NR4A1: variants seen among roughly 807,000 people sequenced by gnomAD.
The protein encoded by NR4A1 is nuclear receptor subfamily 4 group A member 1, also known as nuclear receptor subfamily 4immunitygroup A member 1.
NR4A1 carries 24 observed loss-of-function variants against 47.5 expected under a neutral mutation model. That is an observed-to-expected ratio of 0.50 (90% CI 0.37 to 0.71). The LOEUF is 0.71. Ranked by LOEUF, NR4A1 falls within the 30% of genes least tolerant of loss-of-function variation. The pLI, the probability that NR4A1 is intolerant of heterozygous loss-of-function variation, is 0.00. For missense variants in NR4A1, 669 were observed against 788.6 expected (o/e 0.85, Z 1.82); for synonymous variants, 353 against 345.7 (o/e 1.02, Z -0.24).
At chr12:52,041,962 C>G in intron 2 of NR4A1, 1 of 1,307,110 alleles carries the variant, frequency 7.7e-7, no homozygotes, top group Non-Finnish European at 9.8e-7. Flanking sequence ...TTGTACACCC[C>G]TCCAGCAGGT....
At chr12:52,033,124 G>A (rs1828419287) in intron 1 of NR4A1, among the ~76,000 whole-genome samples, 1 of 152,230 alleles carries the variant, frequency 6.6e-6, no homozygotes, top group Admixed American at 6.5e-5. Flanking sequence ...GGCTGGACCT[G>A]CTGCGGCTCC....
intron 1 of NR4A1, among the ~76,000 whole-genome samples, chr12:52,052,164 C>T (rs1412852440): frequency 6.6e-6 from 1 of 151,818 alleles, no homozygotes; most frequent in Non-Finnish European, 1.5e-5. Context: ...GGTGGCTGAC[C>T]TGTGGAGGGC....
chr12:52,058,497 G>A (rs1939386914), intron 6 of NR4A1, 191 bp from the exon 7 acceptor site: 2 of 713,502 alleles, frequency 2.8e-6, no homozygotes, highest in Non-Finnish European at 4.5e-6. Flanking sequence ...TGGAGTATGA[G>A]GATAATGAGG....
At chr12:52,030,561 T>C (rs1938101125) in intron 1 of NR4A1, among the ~76,000 whole-genome samples, 1 of 152,224 alleles carries the variant, frequency 6.6e-6, no homozygotes, top group Admixed American at 6.5e-5. Flanking sequence ...CCTGAGTAGC[T>C]GGGATTACAG....
chr12:52,041,825 A>G, exon 2 of NR4A1: 1 of 1,457,386 alleles, frequency 6.9e-7, no homozygotes, highest in Non-Finnish European at 9.0e-7. Context: ...CACCATGGAC[A>G]GAGGCCAGGC....
At position 52,059,146 on chromosome 12, in the gene NR4A1, C is replaced by G; in HGVS notation, c.*202C>G. On this transcript the variant is annotated 3_prime_UTR_variant, in exon 7 of 7. Transcript: ENST00000394825. ...TCATGGGGGTGACCCCACGATTTGTCTTATCCCCCCCAGCCTGGCCCCGGC... is the reference window on the plus strand; with the variant it reads ...TCATGGGGGTGACCCCACGATTTGTGTTATCCCCCCCAGCCTGGCCCCGGC... 1 of 648,146 alleles carries G rather than the reference C, an allele frequency of 1.5e-6. No homozygotes were observed. The highest frequency in any genetic ancestry group is 2.6e-6 in the Non-Finnish European group (1 of 388,762). The allele number at this position is 648,146 out of a possible 1,614,324, so 40.1% of individuals were successfully genotyped here.
chr12:52,042,044 TG>T, intron 2 of NR4A1: 2 of 1,168,842 alleles, frequency 1.7e-6, no homozygotes, highest in Non-Finnish European at 2.2e-6. Context: ...GGGGAAGCCC[TG>T]GGGAGGTGGC....
chr12:52,033,952 CAGGATGG>C (rs1938185396), intron 1 of NR4A1, among the ~76,000 whole-genome samples: 1 of 152,196 alleles, frequency 6.6e-6, no homozygotes, highest in South Asian at 2.1e-4. Context: ...CCCCGAGGGC[CAGGATGG>C]AGGTGGAGTG....
chr12:52,055,618 G>A (rs1479853249), intron 2 of NR4A1: 5 of 431,992 alleles, frequency 1.2e-5, no homozygotes, highest in Admixed American at 4.0e-5. Flanking sequence ...AGGGCTGGGG[G>A]TGGACTTGGG....
At chr12:52,052,005 C>T (rs1483169767) in intron 1 of NR4A1, among the ~76,000 whole-genome samples, 1 of 152,140 alleles carries the variant, frequency 6.6e-6, no homozygotes, top group African/African-American at 2.4e-5. Flanking sequence ...GCCCTCCTTC[C>T]TCCCAGCCTG....
chr12:52,048,133 G>T (rs749142897), upstream of NR4A1, among the ~76,000 whole-genome samples: 3 of 151,450 alleles, frequency 2.0e-5, no homozygotes, highest in Non-Finnish European at 4.4e-5. Context: ...TAGCCTGGGC[G>T]ACAGCACCAT....
intron 3 of NR4A1, 85 bp from the exon 4 acceptor site, chr12:52,056,409 C>CG: frequency 6.5e-7 from 1 of 1,536,386 alleles, no homozygotes; most frequent in African/African-American, 1.4e-5. Flanking sequence ...CGGTGGGGCG[C>CG]GTCTCAGCAG....
upstream of NR4A1, among the ~76,000 whole-genome samples, chr12:52,050,653 G>T (rs1378012249): frequency 6.6e-6 from 1 of 152,202 alleles, no homozygotes; most frequent in Non-Finnish European, 1.5e-5. Flanking sequence ...GCTTGGGCCT[G>T]GCCAACGCCT....
chr12:52,037,960 G>A (rs1938300438), intron 1 of NR4A1: 1 of 972,044 alleles, frequency 1.0e-6, no homozygotes, highest in Non-Finnish European at 1.2e-6. Flanking sequence ...ACTGGGTGGG[G>A]TGGGGGCGGG....
chr12:52,029,875 G>A (rs1353472552), intron 1 of NR4A1, among the ~76,000 whole-genome samples: 1 of 152,220 alleles, frequency 6.6e-6, no homozygotes, highest in Non-Finnish European at 1.5e-5. Context: ...CCCCTGGTGA[G>A]AGCAGGAGCA....
rs367846039 is a variant in NR4A1, at chr12:52,058,807, C to A, written c.1660C>A (p.Arg554Ser). 1.9e-6 allele frequency: 3 copies of A among 1,613,650 alleles called. No individual in the cohort carries two copies. The highest frequency in any genetic ancestry group is 2.5e-6 in the Non-Finnish European group (3 of 1,179,944). The change falls in exon 7 of 7, where the codon CGT becomes AGT. Residue 554 changes from arginine to serine, a missense_variant. Arg to Ser is a moderately radical substitution (Grantham distance 110). Transcript: ENST00000394825. The stretch of plus-strand genomic sequence containing the variant: ...GCCCCAGCCAGCCAGCTGCCTGTCA[C>A]GTCTGTTGGGCAAACTGCCCGAGCT... Reference protein sequence around the residue: ...GEPQPASCLSRLLGKLPELRT... With the variant: ...GEPQPASCLSSLLGKLPELRT...
At chr12:52,055,266 T>C (rs747336984) in intron 2 of NR4A1, 62 bp downstream of exon 2, 91 of 1,590,486 alleles carry the variant, frequency 5.7e-5, no homozygotes, top group Middle Eastern at 2.0e-4. Context: ...CCTCATCCCA[T>C]TGGGACCTGT....
In NR4A1 at chr12:52,059,075, C is replaced by T; in HGVS notation, c.*131C>T. On this transcript the variant is annotated 3_prime_UTR_variant, in exon 7 of 7. Transcript: ENST00000394825. ...GAATGACTCCACCTTCTCACCTGCT[C>T]CAGGAGGTTTGCAGGGAGCTCAAGC... The T allele has an allele frequency of 8.2e-7, 1 of 1,218,764 alleles. No homozygotes were observed. The highest frequency in any genetic ancestry group is 1.1e-6 in the Non-Finnish European group (1 of 895,310). 75.5% of individuals were successfully genotyped at this position (1,218,764 alleles called of 1,614,324 possible).
At chr12:52,051,439 G>T (rs868428227), upstream of NR4A1, 4 of 985,464 alleles carry the variant, frequency 4.1e-6, no homozygotes, top group Non-Finnish European at 1.2e-6. Context: ...GGCTCGGCCG[G>T]GGAGTCCCAG....
Sources: allele counts gnomAD v4.1 joint callset (sites outside exome capture counted in the v4.1 genomes callset), GRCh38; gene constraint gnomAD v4.1.1; transcripts MANE v1.5; gene names NCBI Gene and HGNC (gene_info 2026-07-23, HGNC 2026-07-21).